The following LCP1 variants were observed in gnomAD, a reference collection of about 807,000 sequenced individuals.
LCP1 encodes lymphocyte cytosolic protein 1, also known as plastin-2.
A neutral mutation model predicts 72.0 loss-of-function variants in LCP1; 23 were observed. That is an observed-to-expected ratio of 0.32 (90% CI 0.23 to 0.45). The LOEUF (loss-of-function observed/expected upper bound fraction) is 0.45, where lower values mean the gene tolerates loss of function less well. Ranked by LOEUF, LCP1 falls within the 20% of genes least tolerant of loss-of-function variation. The pLI is 1.00. For missense variants in LCP1, 571 were observed against 748.3 expected, an observed-to-expected ratio of 0.76 and a Z score of 2.76; for synonymous variants, 245 against 275.4, an observed-to-expected ratio of 0.89 and a Z score of 1.09.
intron 13 of LCP1, among the ~76,000 whole-genome samples, chr13:46,136,395 C>T (rs537013060): frequency 1.3e-5 from 2 of 152,252 alleles, no homozygotes; most frequent in African/African-American, 4.8e-5. Flanking sequence ...GTCCATGTGC[C>T]CTGTTCATCA....
chr13:46,170,519 G>A (rs1424673078), intron 1 of LCP1, among the ~76,000 whole-genome samples: 1 of 152,180 alleles, frequency 6.6e-6, no homozygotes, highest in East Asian at 1.9e-4. Flanking sequence ...GAGGTGGGAG[G>A]GAAAGGAACC....
chr13:46,166,708 G>A (rs1268861087), intron 1 of LCP1, among the ~76,000 whole-genome samples: 1 of 152,068 alleles, frequency 6.6e-6, no homozygotes, highest in African/African-American at 2.4e-5. Flanking sequence ...GGACTATGAA[G>A]CAAAATAAAA....
At chr13:46,165,962 G>GA (rs57234058) in intron 1 of LCP1, among the ~76,000 whole-genome samples, 2 of 150,114 alleles carry the variant, frequency 1.3e-5, no homozygotes, top group East Asian at 1.9e-4. Context: ...AAAACCTTAA[G>GA]AAAAAAAAAG....
chr13:46,133,204 T>G (rs1349637484), intron 14 of LCP1, among the ~76,000 whole-genome samples: 1 of 152,230 alleles, frequency 6.6e-6, no homozygotes, highest in African/African-American at 2.4e-5. Context: ...ATCTGAATCA[T>G]GGAGGTGCCC....
intron 13 of LCP1, among the ~76,000 whole-genome samples, chr13:46,135,102 CT>C (rs1427834252): frequency 9.5e-6 from 1 of 105,232 alleles, no homozygotes; most frequent in Non-Finnish European, 1.8e-5. Flanking sequence ...GAGTGAGACT[CT>C]GTCTCAAAAA....
intron 1 of LCP1, among the ~76,000 whole-genome samples, chr13:46,170,286 G>T (rs574445223): frequency 1.3e-5 from 2 of 152,360 alleles, no homozygotes; most frequent in South Asian, 2.1e-4. Flanking sequence ...AGTTAATTTG[G>T]TGTCTAAAGG....
chr13:46,130,707 G>T, intron 15 of LCP1, 107 bp downstream of exon 15: 1 of 1,340,750 alleles, frequency 7.5e-7, no homozygotes, highest in Non-Finnish European at 1.0e-6. Context: ...AGCACGGATA[G>T]TGAAAATGAA....
At chr13:46,176,199 C>T (rs1439762936) in intron 1 of LCP1, among the ~76,000 whole-genome samples, 1 of 151,904 alleles carries the variant, frequency 6.6e-6, no homozygotes, top group East Asian at 1.9e-4. Flanking sequence ...AGAAGAGAGG[C>T]GATTGAATGT....
At chr13:46,131,504 G>C (rs1340869027) in intron 14 of LCP1, among the ~76,000 whole-genome samples, 1 of 152,118 alleles carries the variant, frequency 6.6e-6, no homozygotes, top group Non-Finnish European at 1.5e-5. Flanking sequence ...CCAATATTGG[G>C]TACATACTCA....
chr13:46,135,119 A>AAG (rs1555314138), intron 13 of LCP1, among the ~76,000 whole-genome samples: 13 of 141,058 alleles, frequency 9.2e-5, no homozygotes, highest in African/African-American at 3.1e-4. Flanking sequence ...AAAAAAAAAA[A>AAG]AAAAGAAAAA....
intron 1 of LCP1, among the ~76,000 whole-genome samples, chr13:46,174,779 G>A (rs1405341044): frequency 6.8e-6 from 1 of 146,416 alleles, no homozygotes; most frequent in Non-Finnish European, 1.5e-5. Flanking sequence ...CCAGTAGGCG[G>A]AAGTTGCAGT....
chr13:46,172,891 C>T (rs1259111349), intron 1 of LCP1, among the ~76,000 whole-genome samples: 3 of 152,158 alleles, frequency 2.0e-5, no homozygotes, highest in Non-Finnish European at 4.4e-5. Context: ...AGTCACTCCC[C>T]AAAGTCTCAA....
At chr13:46,165,657 T>C (rs955997822) in intron 1 of LCP1, among the ~76,000 whole-genome samples, 2 of 152,202 alleles carry the variant, frequency 1.3e-5, no homozygotes, top group East Asian at 1.9e-4. Context: ...TGCTCCTGCA[T>C]TGAGTGTGGC....
intron 1 of LCP1, among the ~76,000 whole-genome samples, chr13:46,181,409 A>T (rs949211850): frequency 6.6e-6 from 1 of 152,262 alleles, no homozygotes; most frequent in Non-Finnish European, 1.5e-5. Context: ...TTGAGTGAAT[A>T]TTCATTGATA....
chr13:46,178,923 C>A (rs1037495669), intron 1 of LCP1, among the ~76,000 whole-genome samples: 1 of 152,042 alleles, frequency 6.6e-6, no homozygotes, highest in African/African-American at 2.4e-5. Context: ...AGTTGCTTGC[C>A]ATCTCTCCTG....
chr13:46,176,128 T>C (rs891228352), intron 1 of LCP1, among the ~76,000 whole-genome samples: 7 of 152,198 alleles, frequency 4.6e-5, no homozygotes, highest in Non-Finnish European at 1.0e-4. Flanking sequence ...AGGAATAAGC[T>C]CTCATGTTCT....
Position 46,154,856 on chromosome 13 carries a change from T to A in LCP1, c.522A>T (p.Thr174=), listed in dbSNP as rs767338391. ...TTTTGTTGATTGTTCTTTCATCAAT[T>A]GTGTCTGGCACTGACAGGTTGATCA... The part of the protein sequence containing the change: ...CKMINLSVPD[T]IDERTINKKK... Residue 174 remains threonine, a synonymous_variant, in exon 6 of 16, where the codon ACA becomes ACT. Coordinates refer to ENST00000323076, the MANE Select transcript of LCP1 (RefSeq NM_002298.5). The A allele has an allele frequency of 1.2e-6, 2 of 1,614,014 alleles. No homozygotes were observed. The highest frequency in any genetic ancestry group is 3.3e-5 in the Admixed American group (2 of 59,998).
intron 4 of LCP1, among the ~76,000 whole-genome samples, chr13:46,156,819 TCTTTTC>T: frequency 6.6e-6 from 1 of 151,718 alleles, no homozygotes; most frequent in African/African-American, 2.4e-5. Context: ...CTGTTTCTTT[TCTTTTC>T]TTTTTTTTTT....
intron 1 of LCP1, among the ~76,000 whole-genome samples, chr13:46,166,316 AG>A (rs1566444939): frequency 6.6e-6 from 1 of 152,226 alleles, no homozygotes; most frequent in Non-Finnish European, 1.5e-5. Context: ...GAGATGCTCA[AG>A]GGGTGGAATC....
Sources: gnomAD v4.1 joint callset for allele counts (sites outside exome capture counted in the v4.1 genomes callset) on GRCh38, gnomAD v4.1.1 for gene constraint, MANE v1.5 for transcripts, NCBI Gene and HGNC (gene_info 2026-07-23, HGNC 2026-07-21) for gene names.